Variants in CDC26 observed in about 807,000 individuals in gnomAD.
CDC26 encodes the protein anaphase-promoting complex subunit CDC26.
In CDC26, 2 loss-of-function variants were observed where a neutral mutation model predicts 8.0. That is an observed-to-expected ratio of 0.25 (90% CI 0.10 to 0.79). CDC26 has a LOEUF of 0.79. Among genes scored for constraint, CDC26 ranks in the 30% least tolerant of loss-of-function variants. The pLI is 0.70. For missense variants in CDC26, 68 were observed against 106.0 expected (o/e 0.64, Z 1.57); for synonymous variants, 19 against 34.9 (o/e 0.55, Z 1.60).
chr9:113,271,145 A>G (rs571802742), intron 3 of CDC26, among the ~76,000 whole-genome samples: 76 of 152,334 alleles, frequency 5.0e-4, no homozygotes, highest in South Asian at 1.4e-3. Context: ...AATGACTGCT[A>G]GGTTTCTGGC....
intron 3 of CDC26, among the ~76,000 whole-genome samples, chr9:113,270,676 T>C (rs1831940361): frequency 6.6e-6 from 1 of 152,012 alleles, no homozygotes; most frequent in Non-Finnish European, 1.5e-5. Flanking sequence ...GGAAATAATA[T>C]GTGGAAAGTC....
Position 113,275,379 on chromosome 9 carries a change from T to A in CDC26, c.-152+3A>T, listed in dbSNP as rs1832049487. ...CCCGAGCCGCGCGAGTCGACTCACC[T>A]ACCTCTTTTCAAGCCGGCCTAGCCC... On this transcript the variant is annotated splice_donor_region_variant and intron_variant, in intron 1 of 3. Coordinates refer to ENST00000374206, the MANE Select transcript of CDC26 (RefSeq NM_139286.4). The A allele has an allele frequency of 8.7e-6, 2 of 229,346 alleles. No individual in the cohort carries two copies. Among genetic ancestry groups the A allele is most frequent in the East Asian group, 1.7e-4 (2 of 11,956 alleles). The allele number at this position is 229,346 out of a possible 1,614,324, so 14.2% of individuals were successfully genotyped here. A position where few individuals can be genotyped will look rare whatever the true frequency, so the allele number is the denominator to read the frequency against.
chr9:113,275,564 T>G lies in CDC26; in HGVS notation c.-334A>C, dbSNP rs886294586. 2.0e-5 allele frequency: 12 copies of G among 605,022 alleles called. No homozygotes were observed. The highest frequency in any genetic ancestry group is 3.4e-5 in the Non-Finnish European group (12 of 354,800). 37.5% of individuals were successfully genotyped at this position (605,022 alleles called of 1,614,324 possible). ...TGCCCCTCAATGCCACGACGCCATT[T>G]CCTACTACGACTTCCATCATGCTCC... is the stretch of plus-strand genomic sequence containing the variant. On this transcript the variant is annotated 5_prime_UTR_variant, in exon 1 of 4. Coordinates refer to ENST00000374206, the MANE Select transcript of CDC26 (RefSeq NM_139286.4).
At chr9:113,270,246 T>G (rs1831932551) in intron 3 of CDC26, among the ~76,000 whole-genome samples, 2 of 152,146 alleles carry the variant, frequency 1.3e-5, no homozygotes, top group African/African-American at 2.4e-5. Flanking sequence ...AGTGGAGAGA[T>G]AAGCAAGGAC....
At chr9:113,273,133 C>G (rs1831986248) in intron 2 of CDC26, among the ~76,000 whole-genome samples, 196 bp downstream of exon 2, 1 of 152,220 alleles carries the variant, frequency 6.6e-6, no homozygotes, top group Non-Finnish European at 1.5e-5. Context: ...GCAACCATCA[C>G]TTTAATCTCA....
At position 113,272,457 on chromosome 9, in the gene CDC26, T is replaced by G; in HGVS notation, c.51A>C (p.Glu17Asp). The change falls in exon 3 of 4, where the codon GAA becomes GAC. Residue 17 changes from glutamate to aspartate, a missense_variant. Coordinates refer to ENST00000374206, the MANE Select transcript of CDC26 (RefSeq NM_139286.4). ...TRLELKLDDIEEFENIRKDLE... is the reference protein window; with the variant it reads ...TRLELKLDDIDEFENIRKDLE... ...GGTCCTTTCGAATGTTCTCAAACTC[T>G]TCAATGTCATCAAGCTTTAGCTCTA... 1 of 1,613,074 alleles carries G rather than the reference T, an allele frequency of 6.2e-7. No individual in the cohort carries two copies. The highest frequency in any genetic ancestry group is 8.5e-7 in the Non-Finnish European group (1 of 1,179,728).
intron 1 of CDC26, among the ~76,000 whole-genome samples, chr9:113,274,513 G>A (rs1832022796): frequency 6.6e-6 from 1 of 151,816 alleles, no homozygotes; most frequent in South Asian, 2.1e-4. Flanking sequence ...GGGAAAGAGA[G>A]GGATAGGGAT....
At chr9:113,270,619 T>G (rs563501843) in intron 3 of CDC26, among the ~76,000 whole-genome samples, 5 of 151,844 alleles carry the variant, frequency 3.3e-5, no homozygotes, top group Admixed American at 3.3e-4. Context: ...AATTGAAGAG[T>G]TGACATTTGA....
intron 3 of CDC26, among the ~76,000 whole-genome samples, chr9:113,269,270 T>C (rs1363855889): frequency 6.6e-6 from 1 of 152,144 alleles, no homozygotes; most frequent in Non-Finnish European, 1.5e-5. Flanking sequence ...CACAAAGTAT[T>C]ACAGGGAATA....
In CDC26 at chr9:113,273,363, T is replaced by A. The variant is rs1158427482; in HGVS notation, c.-76A>T. On this transcript the variant is annotated 5_prime_UTR_variant, in exon 2 of 4. Coordinates refer to ENST00000374206, the MANE Select transcript of CDC26 (RefSeq NM_139286.4). ...GGATTATCCTCCGCGTCCAAACAGA[T>A]CTTAAATGTGTACGTCATTCATTAA... The A allele has an allele frequency of 6.6e-6, 1 of 152,204 alleles. No homozygotes were observed. The highest frequency in any genetic ancestry group is 1.5e-5 in the Non-Finnish European group (1 of 68,026). 9.4% of individuals were successfully genotyped at this position (152,204 alleles called of 1,614,324 possible).
At chr9:113,271,795 G>A (rs143634687) in intron 3 of CDC26, among the ~76,000 whole-genome samples, 29 of 152,310 alleles carry the variant, frequency 1.9e-4, no homozygotes, top group Non-Finnish European at 3.5e-4. Context: ...TGGCTTAAGA[G>A]TCTGCAGTTC....
chr9:113,272,364 G>A lies in CDC26; in HGVS notation c.81+63C>T, dbSNP rs573395241. Reference sequence around the variant, plus strand: ...TGCAGTGGGCCAAGATCATGCCACTGTACTCCAGCCTGTGTGACAGAGCGA... The same window carrying A: ...TGCAGTGGGCCAAGATCATGCCACTATACTCCAGCCTGTGTGACAGAGCGA... On this transcript the variant is annotated intron_variant, in intron 3 of 3. Transcript: ENST00000374206. 19 of 1,279,002 alleles carry A rather than the reference G, an allele frequency of 1.5e-5. No homozygotes were observed. In the East Asian group the frequency reaches 4.4e-4, roughly 30 times the overall value. 79.2% of individuals were successfully genotyped at this position (1,279,002 alleles called of 1,614,324 possible).
At chr9:113,273,019 T>G (rs551354339) in intron 2 of CDC26, among the ~76,000 whole-genome samples, 1 of 152,312 alleles carries the variant, frequency 6.6e-6, no homozygotes, top group South Asian at 2.1e-4. Context: ...GGTATGTGAT[T>G]ATTACATTTT....
chr9:113,268,718 C>A (rs1043290037), intron 3 of CDC26, among the ~76,000 whole-genome samples: 2 of 152,150 alleles, frequency 1.3e-5, no homozygotes, highest in African/African-American at 4.8e-5. Context: ...GAGTGTGACA[C>A]TAGCCTGGGC....
In CDC26 at chr9:113,269,233, T is replaced by TA. The variant is rs58607088; in HGVS notation, c.82-1795dup. Reference sequence around the variant, plus strand: ...CAAGACCCTGTCTCAACAATAAAAATAAAAAAAAAAAATAAATGCCAACAC... The same window carrying TA: ...CAAGACCCTGTCTCAACAATAAAAATAAAAAAAAAAAAATAAATGCCAACAC... On this transcript the variant is annotated intron_variant, in intron 3 of 3. Transcript: ENST00000374206. 1.6e-3 allele frequency among the ~76,000 whole-genome samples: 228 copies of TA among 140,310 alleles called. 1 individual carries two copies. Among genetic ancestry groups the TA allele is most frequent in the East Asian group, 7.0e-3 (34 of 4,836 alleles). The allele number at this position is 140,310 out of a possible 152,430, so 92.0% of individuals were successfully genotyped here.
Position 113,275,410 on chromosome 9 carries a change from C to T in CDC26, c.-180G>A. 1 of 301,216 alleles carries T rather than the reference C, an allele frequency of 3.3e-6. No homozygotes were observed. Among genetic ancestry groups the T allele is most frequent in the East Asian group, 5.7e-5 (1 of 17,464 alleles). The allele number at this position is 301,216 out of a possible 1,614,324, so 18.7% of individuals were successfully genotyped here. A position where few individuals can be genotyped will look rare whatever the true frequency, so the allele number is the denominator to read the frequency against. ...TTTTCAAGCCGGCCTAGCCCCTTCCCGGAACCTCGGCTCCCCCCCAACGAA... is the reference window on the plus strand; with the variant it reads ...TTTTCAAGCCGGCCTAGCCCCTTCCTGGAACCTCGGCTCCCCCCCAACGAA... On this transcript the variant is annotated 5_prime_UTR_variant, in exon 1 of 4. Coordinates refer to ENST00000374206, the MANE Select transcript of CDC26 (RefSeq NM_139286.4).
At chr9:113,270,284 C>T (rs1234945544) in intron 3 of CDC26, among the ~76,000 whole-genome samples, 1 of 152,142 alleles carries the variant, frequency 6.6e-6, no homozygotes, top group East Asian at 1.9e-4. Flanking sequence ...ATATGCCATG[C>T]TAGGGAATTT....
chr9:113,267,901 C>T (rs560270310), intron 3 of CDC26, among the ~76,000 whole-genome samples: 7 of 152,228 alleles, frequency 4.6e-5, no homozygotes, highest in South Asian at 4.1e-4. Flanking sequence ...GCAGGAGAAT[C>T]GCTTGAACCA....
At chr9:113,273,821 C>CAAAAAAAAAAAAAAAA (rs149642304) in intron 1 of CDC26, among the ~76,000 whole-genome samples, 1 of 53,284 alleles carries the variant, frequency 1.9e-5, no homozygotes. Flanking sequence ...GACCCCAACT[C>CAAAAAAAAAAAAAAAA]AAAAAAAAAA....
Sources: allele counts gnomAD v4.1 joint callset (sites outside exome capture counted in the v4.1 genomes callset), GRCh38; gene constraint gnomAD v4.1.1; transcripts MANE v1.5; gene names NCBI Gene and HGNC (gene_info 2026-07-23, HGNC 2026-07-21).